Variants in NRCAM observed in about 807,000 individuals in gnomAD.
The protein encoded by NRCAM is NgCAM-related cell adhesion molecule.
In NRCAM, 83 loss-of-function variants were observed where a neutral mutation model predicts 156.5. The ratio of observed to expected loss-of-function variants is 0.53; its 90% CI spans 0.44 to 0.64. NRCAM has a LOEUF of 0.64. NRCAM is among the 30% of genes least tolerant of loss of function. The pLI, the probability that NRCAM is intolerant of heterozygous loss-of-function variation, is 0.00. For synonymous variants in NRCAM, 538 were observed against 563.9 expected (o/e 0.95, Z 0.65); for missense variants, 1,417 against 1,597.3 (o/e 0.89, Z 1.92).
intron 11 of NRCAM, among the ~76,000 whole-genome samples, chr7:108,214,358 T>G (rs184065890): frequency 6.6e-6 from 1 of 152,254 alleles, no homozygotes; most frequent in Non-Finnish European, 1.5e-5. Context: ...TATCCATCTC[T>G]TCTAGATTTT....
intron 3 of NRCAM, among the ~76,000 whole-genome samples, chr7:108,273,550 T>C (rs1172202009): frequency 6.6e-6 from 1 of 152,240 alleles, no homozygotes; most frequent in Non-Finnish European, 1.5e-5. Flanking sequence ...TGTCTTCTTT[T>C]GAAAAATGTC....
intron 2 of NRCAM, among the ~76,000 whole-genome samples, chr7:108,334,858 C>G (rs923665465): frequency 2.6e-5 from 4 of 152,120 alleles, no homozygotes; most frequent in African/African-American, 9.6e-5. Context: ...CCTGATATAT[C>G]TAATATTTTA....
At chr7:108,150,821 T>G (rs1164132398) in intron 32 of NRCAM, 3 of 445,556 alleles carry the variant, frequency 6.7e-6, no homozygotes, top group Non-Finnish European at 1.4e-5. Flanking sequence ...GGTAAAAATT[T>G]TAGTTAATGA....
chr7:108,425,819 G>A (rs1816573468), intron 1 of NRCAM, among the ~76,000 whole-genome samples: 1 of 152,160 alleles, frequency 6.6e-6, no homozygotes, highest in African/African-American at 2.4e-5. Context: ...GTCCTGAACA[G>A]AAATGGCTGG....
At chr7:108,292,129 C>G (rs1327286673) in intron 3 of NRCAM, among the ~76,000 whole-genome samples, 1 of 152,176 alleles carries the variant, frequency 6.6e-6, no homozygotes, top group Non-Finnish European at 1.5e-5. Context: ...ATGAAATCAA[C>G]TGTTTTTTAA....
chr7:108,321,791 G>A (rs1363759847), intron 2 of NRCAM, among the ~76,000 whole-genome samples: 1 of 152,112 alleles, frequency 6.6e-6, no homozygotes, highest in East Asian at 1.9e-4. Flanking sequence ...TAACATAATT[G>A]CATACAAAAT....
At chr7:108,203,931 A>C (rs1365886919) in intron 13 of NRCAM, among the ~76,000 whole-genome samples, 3 of 152,154 alleles carry the variant, frequency 2.0e-5, no homozygotes, top group African/African-American at 7.2e-5. Flanking sequence ...AGGAGTCTTC[A>C]TTGTGCTAAT....
At chr7:108,408,430 G>T (rs1245912165) in intron 1 of NRCAM, among the ~76,000 whole-genome samples, 1 of 152,218 alleles carries the variant, frequency 6.6e-6, no homozygotes, top group African/African-American at 2.4e-5. Flanking sequence ...AATCCAGGAG[G>T]TTTTGCTCTA....
chr7:108,174,793 C>T (rs2059857734), intron 28 of NRCAM, among the ~76,000 whole-genome samples: 1 of 152,228 alleles, frequency 6.6e-6, no homozygotes, highest in Non-Finnish European at 1.5e-5. Context: ...GCAGGGGACC[C>T]TAAGCTCGGG....
In NRCAM at chr7:108,283,045, C is replaced by T. The variant is rs2097916566; in HGVS notation, c.-107+29620G>A. Among the ~76,000 whole-genome samples the T allele has an allele frequency of 2.2e-5, 3 of 139,448 alleles. No homozygotes were observed. In the South Asian group the frequency reaches 7.2e-4, roughly 34 times the overall value. The allele number at this position is 139,448 out of a possible 152,430, so 91.5% of individuals were successfully genotyped here. On this transcript the variant is annotated intron_variant, in intron 3 of 32. Coordinates refer to ENST00000379028, the MANE Select transcript of NRCAM (RefSeq NM_001037132.4). ...TTTAAAAATGCTTCTCTGTTCCCTA[C>T]TCTCTAAGTATACTGACTTTCTGTA...
intron 24 of NRCAM, among the ~76,000 whole-genome samples, chr7:108,181,371 T>A (rs564375371): frequency 1.3e-5 from 2 of 152,192 alleles, no homozygotes; most frequent in Non-Finnish European, 2.9e-5. Flanking sequence ...AGAACAAAGA[T>A]AATGGATATT....
chr7:108,370,900 A>T lies in NRCAM; in HGVS notation c.-174+28536T>A, dbSNP rs959871786. Among the ~76,000 whole-genome samples the T allele has an allele frequency of 7.2e-5, 11 of 152,212 alleles. 1 individual carries two copies. Among genetic ancestry groups the T allele is most frequent in the Middle Eastern group, 6.8e-3 (2 of 294 alleles). On this transcript the variant is annotated intron_variant, in intron 2 of 32. Coordinates refer to ENST00000379028, the MANE Select transcript of NRCAM (RefSeq NM_001037132.4). ...GCCGTCATATTAATAATATTTCTCC[A>T]ACCAGGTTCTACTTACATCTGCCTC...
intron 24 of NRCAM, 134 bp from the exon 25 acceptor site, chr7:108,180,561 A>C (rs2062881813): frequency 4.6e-6 from 3 of 655,206 alleles, no homozygotes; most frequent in Non-Finnish European, 7.8e-6. Context: ...AGCAAAACTG[A>C]TGGATATTGA....
chr7:108,233,302 G>A (rs937557494), intron 6 of NRCAM, among the ~76,000 whole-genome samples: 1 of 152,060 alleles, frequency 6.6e-6, no homozygotes, highest in African/African-American at 2.4e-5. Context: ...GTGTTTTCTA[G>A]GATCACTTGG....
chr7:108,448,751 A>C (rs1847206122), intron 1 of NRCAM, among the ~76,000 whole-genome samples: 1 of 152,208 alleles, frequency 6.6e-6, no homozygotes, highest in Non-Finnish European at 1.5e-5. Context: ...AAACTTCGAG[A>C]GTAAATATAA....
rs564394838 is a variant in NRCAM, at chr7:108,231,604, T to C, written c.428-451A>G. 9.2e-5 allele frequency among the ~76,000 whole-genome samples: 14 copies of C among 152,272 alleles called. No homozygotes were observed. The South Asian group carries it at 2.9e-3, about 32-fold the overall frequency. On this transcript the variant is annotated intron_variant, in intron 7 of 32. Coordinates refer to ENST00000379028, the MANE Select transcript of NRCAM (RefSeq NM_001037132.4). ...CGATATGTCAATAAGTCAGAAAAGGTTGTAAGATAGTATTTCAGAAAATGA... is the reference window on the plus strand; with the variant it reads ...CGATATGTCAATAAGTCAGAAAAGGCTGTAAGATAGTATTTCAGAAAATGA...
intron 2 of NRCAM, among the ~76,000 whole-genome samples, chr7:108,376,776 C>G (rs533859747): frequency 1.3e-5 from 2 of 152,258 alleles, no homozygotes; most frequent in South Asian, 4.1e-4. Context: ...AAAAGTCAGT[C>G]ATTACATAAA....
At chr7:108,350,849 C>T (rs2099407083) in intron 2 of NRCAM, among the ~76,000 whole-genome samples, 1 of 152,084 alleles carries the variant, frequency 6.6e-6, no homozygotes, top group East Asian at 1.9e-4. Context: ...TTGGCAGCAT[C>T]TTTCTTTTCA....
At chr7:108,325,843 C>T (rs2099063040) in intron 2 of NRCAM, among the ~76,000 whole-genome samples, 1 of 151,798 alleles carries the variant, frequency 6.6e-6, no homozygotes, top group Non-Finnish European at 1.5e-5. Context: ...TAAGTGTTAG[C>T]TTGAAATTCT....
Sources: allele counts gnomAD v4.1 joint callset (sites outside exome capture counted in the v4.1 genomes callset), GRCh38; gene constraint gnomAD v4.1.1; transcripts MANE v1.5; gene names NCBI Gene and HGNC (gene_info 2026-07-23, HGNC 2026-07-21).